The following C1orf141 variants were observed in gnomAD, a reference collection of about 807,000 sequenced individuals.
C1orf141 encodes chromosome 1 open reading frame 141, also known as uncharacterized protein C1orf141.
Under a neutral mutation model 23.2 loss-of-function variants are expected in C1orf141, and 19 were observed. That is an observed-to-expected ratio of 0.82 (90% confidence interval 0.57 to 1.20). The LOEUF (loss-of-function observed/expected upper bound fraction) is 1.20. Ranked by LOEUF, C1orf141 falls within the 50% of genes most tolerant of loss-of-function variation. C1orf141 has a pLI of 0.00. For synonymous variants in C1orf141, 153 were observed against 154.6 expected (o/e 0.99, Z 0.08); for missense variants, 469 against 455.1 (o/e 1.03, Z -0.28).
rs144097675 is a variant in C1orf141 at position 67,097,292 on chromosome 1, G to C, written c.347-971C>G. Among the ~76,000 whole-genome samples, 98 of 152,300 alleles carry C rather than the reference G, an allele frequency of 6.4e-4. 3 individuals are homozygous for C. The East Asian group carries it at 0.017, about 27-fold the overall frequency. On this transcript the variant is annotated intron_variant, in intron 5 of 7. Coordinates refer to ENST00000684719, the MANE Select transcript of C1orf141 (RefSeq NM_001276351.2). ...TGTATAATATAATTTCGAATAATTT[G>C]GAAGTATTTGCAGCATTCAAGTACC...
intron 5 of C1orf141, among the ~76,000 whole-genome samples, chr1:67,106,025 A>G (rs1645919342): frequency 6.6e-6 from 1 of 152,188 alleles, no homozygotes; most frequent in Admixed American, 6.5e-5. Context: ...GTTAACCCCT[A>G]AACCATGCAT....
intron 4 of C1orf141, among the ~76,000 whole-genome samples, chr1:67,125,354 C>T (rs1443020715): frequency 2.0e-5 from 3 of 152,074 alleles, no homozygotes; most frequent in East Asian, 1.9e-4. Flanking sequence ...ATAAAACTTT[C>T]ATTTAATATA....
chr1:67,118,727 T>C (rs1468463362), intron 4 of C1orf141, among the ~76,000 whole-genome samples: 1 of 152,174 alleles, frequency 6.6e-6, no homozygotes, highest in African/African-American at 2.4e-5. Flanking sequence ...GGATTTGTGT[T>C]CTTCTAAGAA....
At chr1:67,135,993 T>C (rs1160340932), upstream of C1orf141, among the ~76,000 whole-genome samples, 1 of 146,592 alleles carries the variant, frequency 6.8e-6, no homozygotes, top group Non-Finnish European at 1.5e-5. Flanking sequence ...ATGAAAACAC[T>C]GGAATCAATT....
At chr1:67,110,862 C>CA (rs1303334717) in intron 5 of C1orf141, among the ~76,000 whole-genome samples, 2 of 149,370 alleles carry the variant, frequency 1.3e-5, no homozygotes, top group Non-Finnish European at 3.0e-5. Flanking sequence ...GAATATGCAA[C>CA]AAAAATTTGT....
At chr1:67,117,167 A>T (rs1266186759) in intron 4 of C1orf141, among the ~76,000 whole-genome samples, 2 of 152,216 alleles carry the variant, frequency 1.3e-5, no homozygotes, top group African/African-American at 2.4e-5. Flanking sequence ...TAATGCCTGT[A>T]ATCCCAACAC....
intron 4 of C1orf141, among the ~76,000 whole-genome samples, chr1:67,119,242 A>C (rs1242273315): frequency 6.6e-6 from 1 of 152,208 alleles, no homozygotes; most frequent in Non-Finnish European, 1.5e-5. Context: ...TTCTGATGAG[A>C]TCTCAGATGG....
intron 2 of C1orf141, among the ~76,000 whole-genome samples, chr1:67,128,011 TA>T (rs1646448976): frequency 6.6e-6 from 1 of 152,208 alleles, no homozygotes; most frequent in Non-Finnish European, 1.5e-5. Context: ...AGGGAACTCA[TA>T]TTTATATAAT....
At chr1:67,093,716 C>T in intron 7 of C1orf141, 112 bp from the exon 8 acceptor site, 1 of 778,390 alleles carries the variant, frequency 1.3e-6, no homozygotes, top group Non-Finnish European at 1.9e-6. Flanking sequence ...TGACTACATA[C>T]AAATATTTAA....
intron 5 of C1orf141, among the ~76,000 whole-genome samples, chr1:67,115,061 G>C (rs1189775386): frequency 6.6e-6 from 1 of 152,164 alleles, no homozygotes; most frequent in Non-Finnish European, 1.5e-5. Context: ...CAATAACAAG[G>C]AAATTCTCAG....
At chr1:67,132,683 T>G (rs1646537172) in intron 1 of C1orf141, among the ~76,000 whole-genome samples, 1 of 152,226 alleles carries the variant, frequency 6.6e-6, no homozygotes, top group Non-Finnish European at 1.5e-5. Context: ...TGGAGATGTC[T>G]CTGAATATAA....
chr1:67,099,253 G>A lies in C1orf141; in HGVS notation c.347-2932C>T, dbSNP rs75744246. Among the ~76,000 whole-genome samples, 119 of 152,166 alleles carry A rather than the reference G, an allele frequency of 7.8e-4. 1 individual carries two copies. In the East Asian group the frequency reaches 0.022, roughly 28 times the overall value. On this transcript the variant is annotated intron_variant, in intron 5 of 7. Transcript: ENST00000684719. ...GTTTGTCTGTAGAGGAATGACAATT[G>A]GACCATGAACAGAATTCTAATCTAT...
chr1:67,099,464 G>A (rs893957908), intron 5 of C1orf141, among the ~76,000 whole-genome samples: 1 of 152,164 alleles, frequency 6.6e-6, no homozygotes, highest in Non-Finnish European at 1.5e-5. Flanking sequence ...ACTAACACAT[G>A]CTCTTCAGGA....
chr1:67,126,032 A>T, intron 3 of C1orf141, 123 bp from the exon 4 acceptor site: 1 of 1,097,046 alleles, frequency 9.1e-7, no homozygotes, highest in Non-Finnish European at 1.3e-6. Context: ...TTTAGGTGGC[A>T]GGCAATAATG....
At position 67,097,052 on chromosome 1, in the gene C1orf141, A is replaced by C. The variant is rs143668502; in HGVS notation, c.347-731T>G. ...ATTTGGGAAGCTCTGTTCTAGAGGG[A>C]GGAAATGGTCAATAAACAAGTAAAC... On this transcript the variant is annotated intron_variant, in intron 5 of 7. Transcript: ENST00000684719. Among the ~76,000 whole-genome samples the C allele has an allele frequency of 9.1e-3, 1,380 of 152,138 alleles. 16 individuals are homozygous for C. The highest frequency in any genetic ancestry group is 0.032 in the African/African-American group (1,327 of 41,508).
rs752266238 is a variant in C1orf141, at chr1:67,093,293, T to C, written c.915A>G (p.Thr305=). ...DKLKKKTNKQ[T]LENRSWNTLY... is the part of the protein sequence containing the mutation. The stretch of plus-strand genomic sequence containing the variant: ...GTGTATTCCAAGATCTGTTTTCTAG[T>C]GTCTGCTTATTAGTTTTCTTCTTTA... Residue 305 remains threonine, a synonymous_variant, in exon 8 of 8, where the codon ACA becomes ACG. Coordinates refer to ENST00000684719, the MANE Select transcript of C1orf141 (RefSeq NM_001276351.2). The C allele has an allele frequency of 3.7e-6, 6 of 1,613,794 alleles. No homozygotes were observed. The highest frequency in any genetic ancestry group is 2.2e-5 in the East Asian group (1 of 44,846).
chr1:67,115,560 T>C (rs956503356), intron 4 of C1orf141, 96 bp from the exon 5 acceptor site: 11 of 563,166 alleles, frequency 2.0e-5, no homozygotes, highest in Non-Finnish European at 3.4e-5. Flanking sequence ...GTCCTAGTTA[T>C]ACAGACTTGG....
chr1:67,136,095 T>C (rs796069360), upstream of C1orf141, among the ~76,000 whole-genome samples: 4 of 152,280 alleles, frequency 2.6e-5, no homozygotes, highest in African/African-American at 9.6e-5. Context: ...CACAGTGGTG[T>C]GATCATAGCC....
Position 67,127,901 on chromosome 1 carries a change from C to G in C1orf141, c.-17-644G>C, listed in dbSNP as rs565703084. On this transcript the variant is annotated intron_variant, in intron 2 of 7. Coordinates refer to ENST00000684719, the MANE Select transcript of C1orf141 (RefSeq NM_001276351.2). ...CCGCCTGTCTCAGCCTCCCAAAATGCTGGGATTACAGGTATGAGCCACCGT... is the reference window on the plus strand; with the variant it reads ...CCGCCTGTCTCAGCCTCCCAAAATGGTGGGATTACAGGTATGAGCCACCGT... Among the ~76,000 whole-genome samples, 64 of 152,248 alleles carry G rather than the reference C, an allele frequency of 4.2e-4. No homozygotes were observed. The South Asian group carries it at 0.012, about 30-fold the overall frequency.
Sources: gnomAD v4.1 joint callset for allele counts (sites outside exome capture counted in the v4.1 genomes callset) on GRCh38, gnomAD v4.1.1 for gene constraint, MANE v1.5 for transcripts, NCBI Gene and HGNC (gene_info 2026-07-23, HGNC 2026-07-21) for gene names.